Variants in SGCZ observed in about 807,000 individuals in gnomAD.
SGCZ encodes sarcoglycan zeta.
Under a neutral mutation model 41.3 loss-of-function variants are expected in SGCZ, and 40 were observed. That is an observed-to-expected ratio of 0.97 (90% CI 0.75 to 1.26). The LOEUF (loss-of-function observed/expected upper bound fraction) is 1.26. SGCZ is among the 50% of genes most tolerant of loss of function. SGCZ has a pLI of 0.00. For synonymous variants in SGCZ, 206 were observed against 137.5 expected (o/e 1.50, Z -3.49); for missense variants, 552 against 369.8 (o/e 1.49, Z -4.04).
intron 2 of SGCZ, among the ~76,000 whole-genome samples, chr8:14,462,819 A>C (rs1169290271): frequency 6.6e-6 from 1 of 151,976 alleles, no homozygotes; most frequent in Admixed American, 6.6e-5. Flanking sequence ...TAATACTGTC[A>C]TCTTAACAAT....
At chr8:14,405,012 G>A (rs752528265) in intron 2 of SGCZ, among the ~76,000 whole-genome samples, 4 of 152,162 alleles carry the variant, frequency 2.6e-5, no homozygotes, top group Non-Finnish European at 5.9e-5. Context: ...ATCCAGCCTG[G>A]TGAGGCAGCT....
At chr8:14,896,467 C>G (rs1369582720) in intron 1 of SGCZ, among the ~76,000 whole-genome samples, 3 of 137,440 alleles carry the variant, frequency 2.2e-5, no homozygotes, top group Non-Finnish European at 4.6e-5. Context: ...ATTTATTTTA[C>G]TATTATTATC....
At chr8:14,514,753 G>T (rs1802564882) in intron 2 of SGCZ, among the ~76,000 whole-genome samples, 1 of 143,680 alleles carries the variant, frequency 7.0e-6, no homozygotes, top group Admixed American at 7.0e-5. Context: ...ATATATGTAA[G>T]TATGTGTAAA....
intron 2 of SGCZ, among the ~76,000 whole-genome samples, chr8:14,474,165 C>G (rs1037506123): frequency 2.0e-5 from 3 of 152,092 alleles, no homozygotes; most frequent in Admixed American, 2.0e-4. Flanking sequence ...TTAATATTCT[C>G]TAAATAAACA....
At chr8:14,180,531 C>T (rs12679768) in intron 4 of SGCZ, among the ~76,000 whole-genome samples, 18 of 151,716 alleles carry the variant, frequency 1.2e-4, no homozygotes, top group African/African-American at 4.1e-4. Flanking sequence ...TATCATATAA[C>T]CCAACATGCG....
At chr8:14,293,105 G>C (rs1800893937) in intron 3 of SGCZ, among the ~76,000 whole-genome samples, 1 of 151,916 alleles carries the variant, frequency 6.6e-6, no homozygotes, top group Non-Finnish European at 1.5e-5. Context: ...AAAAAGTACA[G>C]CCAAAAATGT....
In SGCZ at chr8:14,480,761, A is replaced by G. The variant is rs1801514511; in HGVS notation, c.234+73971T>C. ...TGACAATAAAGAATATATTTATAAT[A>G]ACATAATTGTATTCTTCTATATTTA... On this transcript the variant is annotated intron_variant, in intron 2 of 7. Coordinates refer to ENST00000382080, the MANE Select transcript of SGCZ (RefSeq NM_139167.4). Among the ~76,000 whole-genome samples the G allele has an allele frequency of 1.3e-5, 2 of 152,082 alleles. 1 individual carries two copies. The highest frequency in any genetic ancestry group is 4.1e-4 in the South Asian group (2 of 4,832).
rs540301570 is a variant in SGCZ at position 14,698,474 on chromosome 8, A to C, written c.40-143548T>G. 4.6e-5 allele frequency among the ~76,000 whole-genome samples: 7 copies of C among 152,092 alleles called. No homozygotes were observed. The East Asian group carries it at 1.4e-3, about 29-fold the overall frequency. On this transcript the variant is annotated intron_variant, in intron 1 of 7. Transcript: ENST00000382080. ...ATTTATAAATTGTATTAAAGATCACATTATAAAAGCTATAAAACACACCTA... is the reference window on the plus strand; with the variant it reads ...ATTTATAAATTGTATTAAAGATCACCTTATAAAAGCTATAAAACACACCTA...
intron 1 of SGCZ, among the ~76,000 whole-genome samples, chr8:14,735,205 C>G (rs1386961486): frequency 6.6e-6 from 1 of 152,034 alleles, no homozygotes; most frequent in Non-Finnish European, 1.5e-5. Flanking sequence ...TATTAGGTGT[C>G]AACTTGATTG....
chr8:14,220,702 G>C (rs1806162698), intron 4 of SGCZ, among the ~76,000 whole-genome samples: 2 of 152,010 alleles, frequency 1.3e-5, no homozygotes, highest in South Asian at 4.2e-4. Context: ...TAGGAGAATG[G>C]CGTGAACCCG....
chr8:14,691,452 G>A (rs1223615658), intron 1 of SGCZ, among the ~76,000 whole-genome samples: 2 of 152,016 alleles, frequency 1.3e-5, no homozygotes, highest in African/African-American at 4.8e-5. Context: ...CCTAGCGTGG[G>A]TATTTGGAAG....
chr8:14,427,654 T>C (rs1362793628), intron 2 of SGCZ, among the ~76,000 whole-genome samples: 2 of 152,164 alleles, frequency 1.3e-5, no homozygotes, highest in African/African-American at 2.4e-5. Flanking sequence ...AGTTAGGCGG[T>C]AATTGCTTCC....
chr8:14,388,565 GA>G (rs1804653325), intron 2 of SGCZ, among the ~76,000 whole-genome samples: 1 of 152,008 alleles, frequency 6.6e-6, no homozygotes, highest in East Asian at 1.9e-4. Context: ...TAAAATATCA[GA>G]ATTTTTATGG....
At chr8:14,705,633 T>C (rs1430233671) in intron 1 of SGCZ, among the ~76,000 whole-genome samples, 1 of 152,048 alleles carries the variant, frequency 6.6e-6, no homozygotes, top group Non-Finnish European at 1.5e-5. Flanking sequence ...AATGCTGTGT[T>C]TTACAGCCCT....
At chr8:15,236,885 CT>C (rs1802142919) in intron 1 of SGCZ, among the ~76,000 whole-genome samples, 1 of 152,104 alleles carries the variant, frequency 6.6e-6, no homozygotes, top group Non-Finnish European at 1.5e-5. Flanking sequence ...GATGCCGCCC[CT>C]ACCAGCCCGG....
At chr8:14,636,031 G>C (rs1806816966) in intron 1 of SGCZ, among the ~76,000 whole-genome samples, 1 of 151,704 alleles carries the variant, frequency 6.6e-6, no homozygotes, top group East Asian at 1.9e-4. Context: ...GTCCAAATTA[G>C]GCCTAATTAT....
chr8:14,457,533 G>C (rs1224344770), intron 2 of SGCZ, among the ~76,000 whole-genome samples: 1 of 152,202 alleles, frequency 6.6e-6, no homozygotes, highest in Non-Finnish European at 1.5e-5. Flanking sequence ...GTTATCCGGA[G>C]GCCTAACCGT....
intron 1 of SGCZ, among the ~76,000 whole-genome samples, chr8:15,113,404 T>G (rs986797340): frequency 6.6e-6 from 1 of 152,158 alleles, no homozygotes; most frequent in Non-Finnish European, 1.5e-5. Flanking sequence ...TTACAAGTCC[T>G]CAATTCAGCT....
intron 2 of SGCZ, among the ~76,000 whole-genome samples, chr8:14,467,620 T>C (rs1447325691): frequency 6.6e-6 from 1 of 152,034 alleles, no homozygotes; most frequent in African/African-American, 2.4e-5. Context: ...TTCCAGAAAT[T>C]GCAAGTCTTT....
Sources: allele counts gnomAD v4.1 joint callset (sites outside exome capture counted in the v4.1 genomes callset), GRCh38; gene constraint gnomAD v4.1.1; transcripts MANE v1.5; gene names NCBI Gene and HGNC (gene_info 2026-07-23, HGNC 2026-07-21).